The following PSME4 variants were observed in gnomAD, a reference collection of about 807,000 sequenced individuals.
The protein encoded by PSME4 is proteasome activator complex subunit 4.
In PSME4, 89 loss-of-function variants were observed where a neutral mutation model predicts 253.9. The ratio of observed to expected loss-of-function variants is 0.35; its 90% CI spans 0.30 to 0.42. PSME4 has a LOEUF of 0.42. PSME4 is among the 10% of genes least tolerant of loss of function. The pLI, the probability that PSME4 is intolerant of heterozygous loss-of-function variation, is 1.00. For synonymous variants in PSME4, 851 were observed against 759.2 expected (o/e 1.12, Z -1.99); for missense variants, 2,014 against 2,195.2 (o/e 0.92, Z 1.65).
At position 53,923,390 on chromosome 2, in the gene PSME4, A is replaced by G. The variant is rs763489767; in HGVS notation, c.1839T>C (p.Ser613=). The part of the protein sequence containing the change: ...MVALQKVFNF[S]TSHIFETRVA... ...CTCTTGTTTCAAATATATGTGAAGTAGAAAAATTAAAAACCTTCTGAAGGG... is the reference window on the plus strand; with the variant it reads ...CTCTTGTTTCAAATATATGTGAAGTGGAAAAATTAAAAACCTTCTGAAGGG... The change falls in exon 15 of 47, where the codon TCT becomes TCC. Residue 613 remains serine, a synonymous_variant. Coordinates refer to ENST00000404125, the MANE Select transcript of PSME4 (RefSeq NM_014614.3). 9 of 1,609,686 alleles carry G rather than the reference A, an allele frequency of 5.6e-6. No homozygotes were observed. Among genetic ancestry groups the G allele is most frequent in the Non-Finnish European group, 7.6e-6 (9 of 1,178,744 alleles).
intron 31 of PSME4, 148 bp downstream of exon 31, chr2:53,897,722 T>C: frequency 2.2e-6 from 2 of 894,642 alleles, no homozygotes; most frequent in Non-Finnish European, 3.4e-6. Flanking sequence ...TGAATCATTA[T>C]CATCTCTGAA....
intron 4 of PSME4, 104 bp downstream of exon 4, chr2:53,939,852 G>T: frequency 1.0e-6 from 1 of 977,468 alleles, no homozygotes; most frequent in Non-Finnish European, 1.5e-6. Flanking sequence ...ACATCACAAT[G>T]TCAGGAACTA....
Position 53,921,008 on chromosome 2 carries a change from T to C in PSME4, c.2143A>G (p.Thr715Ala), listed in dbSNP as rs866019842. The change falls in exon 18 of 47, where the codon ACT becomes GCT. Residue 715 changes from threonine (T) to alanine (A), a missense_variant. Coordinates refer to ENST00000404125, the MANE Select transcript of PSME4 (RefSeq NM_014614.3). ...TLHLTCKQGY[T>A]LSCNLLHHLL... is the part of the protein sequence containing the mutation. ...TGATGCAAAAGGTTACAAGACAGAG[T>C]GTAACCCTGCTTACAGGTTAAATGT... The C allele has an allele frequency of 1.9e-6, 3 of 1,613,914 alleles. No homozygotes were observed. The African/African-American group carries it at 4.0e-5, about 22-fold the overall frequency.
chr2:53,921,999 CG>C (rs1361439078), intron 17 of PSME4, among the ~76,000 whole-genome samples: 3 of 150,740 alleles, frequency 2.0e-5, no homozygotes, highest in Non-Finnish European at 4.4e-5. Flanking sequence ...AGTGAAACCC[CG>C]TCTCTACTAA....
At chr2:53,917,623 T>C (rs1469347404) in intron 20 of PSME4, among the ~76,000 whole-genome samples, 1 of 152,196 alleles carries the variant, frequency 6.6e-6, no homozygotes, top group Non-Finnish European at 1.5e-5. Flanking sequence ...TGCTCTTAGA[T>C]AAATTATTGG....
intron 1 of PSME4, 24 bp downstream of exon 1, chr2:53,970,519 G>C: frequency 6.5e-7 from 1 of 1,547,426 alleles, no homozygotes; most frequent in Non-Finnish European, 8.7e-7. Flanking sequence ...CCCCGGCCCG[G>C]CCCGCAGGCC....
chr2:53,925,430 A>T, intron 14 of PSME4, 109 bp downstream of exon 14: 1 of 1,023,716 alleles, frequency 9.8e-7, no homozygotes, highest in Non-Finnish European at 1.3e-6. Flanking sequence ...CTTTAGTATG[A>T]ATGTAAATGA....
chr2:53,888,626 T>C, intron 38 of PSME4, 95 bp downstream of exon 38: 2 of 816,180 alleles, frequency 2.5e-6, no homozygotes, highest in Middle Eastern at 2.5e-4. Flanking sequence ...TTACTTCATC[T>C]AGACTTTACA....
rs775175466 is a variant in PSME4 at position 53,895,755 on chromosome 2, C to T, written c.3689-19G>A. Reference sequence around the variant, plus strand: ...CATCCACCTAAGGAAAAGACAATCACATTTGATGAATTTAAAAATATTCGC... The same window carrying T: ...CATCCACCTAAGGAAAAGACAATCATATTTGATGAATTTAAAAATATTCGC... On this transcript the variant is annotated intron_variant, in intron 32 of 46. Coordinates refer to ENST00000404125, the MANE Select transcript of PSME4 (RefSeq NM_014614.3). The T allele has an allele frequency of 6.5e-7, 1 of 1,548,874 alleles. No individual in the cohort carries two copies. Among genetic ancestry groups the T allele is most frequent in the Admixed American group, 2.2e-5 (1 of 45,958 alleles).
intron 20 of PSME4, among the ~76,000 whole-genome samples, chr2:53,916,470 T>G (rs1002059787): frequency 1.3e-5 from 2 of 152,190 alleles, no homozygotes; most frequent in African/African-American, 4.8e-5. Context: ...ATGGAGCAAC[T>G]AATGTGCTAA....
chr2:53,892,903 G>A lies in PSME4; in HGVS notation c.4096C>T (p.His1366Tyr), dbSNP rs1396142179. The stretch of plus-strand genomic sequence containing the variant: ...CTTTCATGTGAATCTGCAACCAAAT[G>A]TTCTAAATGGGGCTTCAGAACTGGC... ...FLPVLKPHLE[H>Y]LVADSHESTQ... Residue 1366 changes from histidine to tyrosine, a missense_variant, in exon 36 of 47, where the codon CAT becomes TAT. By Grantham distance (83) the His-to-Tyr change is moderately conservative (BLOSUM62 2). Around this residue, in one of 4 missense-constraint regions of PSME4, gnomAD observed 989 missense variants for 1,021.1 expected, o/e 0.97. Coordinates refer to ENST00000404125, the MANE Select transcript of PSME4 (RefSeq NM_014614.3). 2 of 1,613,664 alleles carry A rather than the reference G, an allele frequency of 1.2e-6. No individual in the cohort carries two copies. Among genetic ancestry groups the A allele is most frequent in the African/African-American group, 2.7e-5 (2 of 74,898 alleles).
chr2:53,898,046 T>G (rs745397557), intron 30 of PSME4, 47 bp from the exon 31 acceptor site: 1 of 1,560,778 alleles, frequency 6.4e-7, no homozygotes, highest in South Asian at 1.2e-5. Context: ...TAAAACCACT[T>G]GGAAAAAAAA....
At chr2:53,890,317 T>G in intron 36 of PSME4, 109 bp from the exon 37 acceptor site, 1 of 749,188 alleles carries the variant, frequency 1.3e-6, no homozygotes, top group Non-Finnish European at 2.2e-6. Context: ...ATCATTTAAA[T>G]TATTTTTGAG....
intron 3 of PSME4, among the ~76,000 whole-genome samples, chr2:53,947,422 C>G (rs987784088): frequency 1.2e-4 from 18 of 152,138 alleles, no homozygotes; most frequent in African/African-American, 4.3e-4. Flanking sequence ...AATGAGTACA[C>G]AGGCTGGGGG....
chr2:53,910,250 A>T (rs1244007126), intron 20 of PSME4, 120 bp from the exon 21 acceptor site: 1 of 774,726 alleles, frequency 1.3e-6, no homozygotes, highest in Non-Finnish European at 2.2e-6. Context: ...TAACAGACAC[A>T]GATTTCCCAT....
chr2:53,940,585 C>T (rs1485857565), intron 3 of PSME4, among the ~76,000 whole-genome samples: 4 of 151,876 alleles, frequency 2.6e-5, no homozygotes, highest in African/African-American at 9.7e-5. Context: ...CAAGTGAATA[C>T]AGGAGACCAA....
intron 4 of PSME4, among the ~76,000 whole-genome samples, 170 bp downstream of exon 4, chr2:53,939,786 G>T (rs1303312845): frequency 6.6e-6 from 1 of 152,114 alleles, no homozygotes; most frequent in Non-Finnish European, 1.5e-5. Flanking sequence ...ATTTCTAAAT[G>T]AAATCTGAGA....
chr2:53,868,823 G>A (rs1397516864), intron 44 of PSME4, among the ~76,000 whole-genome samples: 1 of 151,500 alleles, frequency 6.6e-6, no homozygotes, highest in South Asian at 2.1e-4. Flanking sequence ...ATGGCAAGAT[G>A]CATCTTTGTA....
intron 36 of PSME4, among the ~76,000 whole-genome samples, chr2:53,891,877 A>C (rs896723339): frequency 6.6e-6 from 1 of 151,410 alleles, no homozygotes; most frequent in African/African-American, 2.4e-5. Context: ...AAAAAAAGAG[A>C]AGACAGACAG....
Sources: gnomAD v4.1 joint callset for allele counts (sites outside exome capture counted in the v4.1 genomes callset) on GRCh38, gnomAD v4.1.1 for gene constraint, gnomAD v4.1.1 regional missense constraint, MANE v1.5 for transcripts, NCBI Gene and HGNC (gene_info 2026-07-23, HGNC 2026-07-21) for gene names.